ZCWPW2: variants seen among roughly 807,000 people sequenced by gnomAD.
ZCWPW2 encodes the protein zinc finger CW-type PWWP domain protein 2.
A neutral mutation model predicts 46.6 loss-of-function variants in ZCWPW2; 45 were observed. The observed-to-expected ratio is 0.96, with a 90% CI of 0.76 to 1.24. The LOEUF (loss-of-function observed/expected upper bound fraction) is 1.24. Among genes scored for constraint, ZCWPW2 ranks in the 50% most tolerant of loss-of-function variants. ZCWPW2 has a pLI of 0.00. For synonymous variants in ZCWPW2, 152 were observed against 137.1 expected (o/e 1.11, Z -0.76); for missense variants, 429 against 403.9 (o/e 1.06, Z -0.53).
intron 5 of ZCWPW2, among the ~76,000 whole-genome samples, chr3:28,483,544 G>T (rs1047051914): frequency 3.3e-5 from 5 of 152,066 alleles, no homozygotes; most frequent in Admixed American, 2.6e-4. Flanking sequence ...TTTTTATTGG[G>T]ATTATATTGA....
chr3:28,385,295 T>G (rs17021402), intron 1 of ZCWPW2, among the ~76,000 whole-genome samples: 45,358 of 152,006 alleles, frequency 0.3, 7,048 homozygotes, highest in African/African-American at 0.34. Context: ...AAGCAGACAG[T>G]GCATAGCAAT....
chr3:28,401,302 A>T (rs1404883997), intron 2 of ZCWPW2, among the ~76,000 whole-genome samples: 1 of 152,212 alleles, frequency 6.6e-6, no homozygotes, highest in East Asian at 1.9e-4. Flanking sequence ...AATGGCCTAA[A>T]TGCTCCACTT....
chr3:28,398,583 A>G (rs978879344), intron 2 of ZCWPW2, among the ~76,000 whole-genome samples: 4 of 152,162 alleles, frequency 2.6e-5, no homozygotes, highest in African/African-American at 4.8e-5. Flanking sequence ...TTGCTCCTGC[A>G]AGACCTGGAA....
At chr3:28,365,564 T>C (rs1041559129) in intron 1 of ZCWPW2, among the ~76,000 whole-genome samples, 1 of 141,020 alleles carries the variant, frequency 7.1e-6, no homozygotes, top group African/African-American at 2.5e-5. Flanking sequence ...GGAGTATAGT[T>C]TGAAGTCAGG....
chr3:28,442,897 T>C (rs1253475015), intron 4 of ZCWPW2, among the ~76,000 whole-genome samples: 1 of 152,200 alleles, frequency 6.6e-6, no homozygotes, highest in Admixed American at 6.5e-5. Context: ...GGATGTGATA[T>C]TGTTTTTCAT....
intron 3 of ZCWPW2, among the ~76,000 whole-genome samples, chr3:28,420,328 G>T (rs1248628617): frequency 1.3e-5 from 2 of 151,838 alleles, no homozygotes; most frequent in African/African-American, 2.4e-5. Flanking sequence ...CAGAGATTCT[G>T]GTATGCTGTG....
chr3:28,484,616 A>T (rs1024848037), intron 5 of ZCWPW2, among the ~76,000 whole-genome samples: 1 of 151,988 alleles, frequency 6.6e-6, no homozygotes, highest in Non-Finnish European at 1.5e-5. Context: ...GGGATTTGTT[A>T]TAATGTCTAC....
intron 5 of ZCWPW2, among the ~76,000 whole-genome samples, chr3:28,480,019 G>A (rs545599731): frequency 6.6e-6 from 1 of 152,242 alleles, no homozygotes; most frequent in African/African-American, 2.4e-5. Context: ...ATTGTGAATA[G>A]TGTTGAACAT....
At chr3:28,515,652 T>A in intron 8 of ZCWPW2, 31 bp downstream of exon 8, 2 of 1,581,272 alleles carry the variant, frequency 1.3e-6, no homozygotes, top group Non-Finnish European at 1.7e-6. Flanking sequence ...CTTTTAGTTC[T>A]TTAACCTATA....
intron 1 of ZCWPW2, among the ~76,000 whole-genome samples, chr3:28,362,653 AAAGT>A (rs1704984645): frequency 6.6e-6 from 1 of 152,184 alleles, no homozygotes; most frequent in Non-Finnish European, 1.5e-5. Flanking sequence ...ACCATTGTGG[AAAGT>A]AGTGTGGCAG....
At chr3:28,398,718 C>G (rs968739408) in intron 2 of ZCWPW2, among the ~76,000 whole-genome samples, 6 of 152,086 alleles carry the variant, frequency 3.9e-5, no homozygotes, top group South Asian at 2.1e-4. Flanking sequence ...CCGTCCTTAC[C>G]TGGAGCTGAG....
chr3:28,471,945 A>G (rs536649769), intron 4 of ZCWPW2, among the ~76,000 whole-genome samples: 291 of 152,284 alleles, frequency 1.9e-3, no homozygotes, highest in African/African-American at 6.6e-3. Flanking sequence ...GGACAATGTG[A>G]AAAATAAATA....
At chr3:28,349,272 CT>C (rs758642218) in intron 1 of ZCWPW2, 69 bp downstream of exon 1, 311 of 914,946 alleles carry the variant, frequency 3.4e-4, no homozygotes, top group Non-Finnish European at 3.9e-4. Context: ...TCTGGTGCGT[CT>C]TTTTCACTCA....
intron 1 of ZCWPW2, among the ~76,000 whole-genome samples, chr3:28,359,364 TAAAG>T (rs1019741925): frequency 6.6e-6 from 1 of 152,100 alleles, no homozygotes; most frequent in African/African-American, 2.4e-5. Context: ...AAACACAGTA[TAAAG>T]AGTCTAAGAC....
intron 1 of ZCWPW2, among the ~76,000 whole-genome samples, chr3:28,364,319 T>TC (rs1203528122): frequency 7.0e-6 from 1 of 142,782 alleles, no homozygotes; most frequent in Non-Finnish European, 1.6e-5. Context: ...ATAAAAACAT[T>TC]CTTTTTTTTT....
intron 3 of ZCWPW2, among the ~76,000 whole-genome samples, chr3:28,427,135 A>C (rs1176190452): frequency 6.6e-6 from 1 of 152,178 alleles, no homozygotes; most frequent in Non-Finnish European, 1.5e-5. Context: ...TAATTCTGAT[A>C]AGTTACCATT....
chr3:28,391,378 T>C (rs1031764980), intron 2 of ZCWPW2, among the ~76,000 whole-genome samples: 3 of 88,174 alleles, frequency 3.4e-5, no homozygotes, highest in African/African-American at 6.7e-5. Flanking sequence ...CACACACACA[T>C]GCACACACAC....
Position 28,525,275 on chromosome 3 carries a change from C to A in ZCWPW2, c.*587C>A, listed in dbSNP as rs1364396511. ...GAGTCTCTGGGAGATTTTGGAAGAT[C>A]AAAATCCTGGACCCTTCCCTGCTGA... On this transcript the variant is annotated 3_prime_UTR_variant, in exon 10 of 10. Coordinates refer to ENST00000383768, the MANE Select transcript of ZCWPW2 (RefSeq NM_001040432.4). The A allele has an allele frequency of 6.6e-6, 1 of 152,134 alleles. No homozygotes were observed. Among genetic ancestry groups the A allele is most frequent in the African/African-American group, 2.4e-5 (1 of 41,430 alleles). 9.4% of individuals were successfully genotyped at this position (152,134 alleles called of 1,614,324 possible). A position where few individuals can be genotyped will look rare whatever the true frequency, so the allele number is the denominator to read the frequency against.
intron 2 of ZCWPW2, among the ~76,000 whole-genome samples, chr3:28,410,955 T>G (rs1415010106): frequency 1.3e-5 from 2 of 151,894 alleles, no homozygotes; most frequent in Admixed American, 1.3e-4. Context: ...ATTCATAAAA[T>G]TTATGTTAAA....
Sources: allele counts gnomAD v4.1 joint callset (sites outside exome capture counted in the v4.1 genomes callset), GRCh38; gene constraint gnomAD v4.1.1; transcripts MANE v1.5; gene names NCBI Gene and HGNC (gene_info 2026-07-23, HGNC 2026-07-21).